Variants in SUZ12 observed in about 807,000 individuals in gnomAD.
The protein encoded by SUZ12 is polycomb protein SUZ12.
SUZ12 carries 17 observed loss-of-function variants against 87.3 expected under a neutral mutation model. The ratio of observed to expected loss-of-function variants is 0.19; its 90% CI spans 0.13 to 0.29. The LOEUF (loss-of-function observed/expected upper bound fraction) is 0.29, where lower values mean the gene tolerates loss of function less well. SUZ12 is among the 10% of genes least tolerant of loss of function. The probability of loss-of-function intolerance (pLI) is 1.00; values close to 1 mark genes in which losing one functional copy is unlikely to be tolerated. For missense variants in SUZ12, 526 were observed against 912.2 expected, an observed-to-expected ratio of 0.58 and a Z score of 5.45; for synonymous variants, 253 against 312.4, an observed-to-expected ratio of 0.81 and a Z score of 2.01.
intron 4 of SUZ12, among the ~76,000 whole-genome samples, chr17:31,953,529 T>G (rs1262263063): frequency 1.3e-5 from 2 of 152,094 alleles, no homozygotes; most frequent in Non-Finnish European, 2.9e-5. Context: ...TGCCTCAGCC[T>G]CCTGAGTAGC....
chr17:31,962,405 A>G (rs751106079), intron 4 of SUZ12, among the ~76,000 whole-genome samples: 26,115 of 149,590 alleles, frequency 0.17, no homozygotes, highest in African/African-American at 0.32. Flanking sequence ...AGCCTGGGTA[A>G]CATGGCAAAA....
At chr17:31,958,123 C>CA (rs1907473287) in intron 4 of SUZ12, among the ~76,000 whole-genome samples, 1 of 151,148 alleles carries the variant, frequency 6.6e-6, no homozygotes, top group Admixed American at 6.6e-5. Flanking sequence ...CAGGATGTCT[C>CA]AATCTCCTGA....
rs1910196750 is a variant in SUZ12, at chr17:32,000,403, A to G, written c.*1400A>G. The G allele has an allele frequency of 8.6e-6, 2 of 232,548 alleles. No individual in the cohort carries two copies. The highest frequency in any genetic ancestry group is 1.7e-5 in the Non-Finnish European group (2 of 117,752). 14.4% of individuals were successfully genotyped at this position (232,548 alleles called of 1,614,324 possible). ...TTAAGATGTGTTTAACTGTGAGGCTATTTAACGAATAGTGTGGATGTGATT... is the reference window on the plus strand; with the variant it reads ...TTAAGATGTGTTTAACTGTGAGGCTGTTTAACGAATAGTGTGGATGTGATT... On this transcript the variant is annotated 3_prime_UTR_variant, in exon 16 of 16. Transcript: ENST00000322652.
chr17:31,962,752 A>G (rs1907812996), intron 4 of SUZ12, among the ~76,000 whole-genome samples: 2 of 152,382 alleles, frequency 1.3e-5, no homozygotes, highest in Admixed American at 1.3e-4. Flanking sequence ...TTCGTAGAAC[A>G]GGAAATGAGA....
At chr17:31,948,154 T>C (rs191470624) in intron 4 of SUZ12, among the ~76,000 whole-genome samples, 2,038 of 152,318 alleles carry the variant, frequency 0.013, 21 homozygotes, top group Non-Finnish European at 0.021. Flanking sequence ...TTCATAACTT[T>C]TATTTCATAT....
chr17:31,946,464 G>T (rs1027061011), intron 3 of SUZ12, among the ~76,000 whole-genome samples: 2 of 152,114 alleles, frequency 1.3e-5, no homozygotes, highest in Non-Finnish European at 2.9e-5. Context: ...CCCGGGAGGT[G>T]GAGGTTGCAG....
intron 13 of SUZ12, 91 bp from the exon 14 acceptor site, chr17:31,995,473 T>C: frequency 1.0e-6 from 1 of 969,900 alleles, no homozygotes; most frequent in Non-Finnish European, 1.6e-6. Context: ...AAGGGTGATG[T>C]TGCAGATTAT....
At chr17:31,950,499 CAG>C (rs768033797) in intron 4 of SUZ12, among the ~76,000 whole-genome samples, 1 of 152,002 alleles carries the variant, frequency 6.6e-6, no homozygotes, top group Non-Finnish European at 1.5e-5. Flanking sequence ...CCCTGGCCAA[CAG>C]GGGAAAACCC....
chr17:31,978,243 G>A (rs1285653055), intron 8 of SUZ12, among the ~76,000 whole-genome samples: 1 of 151,964 alleles, frequency 6.6e-6, no homozygotes, highest in Admixed American at 6.6e-5. Flanking sequence ...GACTCTCGCT[G>A]TGTCACCCAG....
At chr17:31,948,855 A>T (rs1906784544) in intron 4 of SUZ12, among the ~76,000 whole-genome samples, 1 of 152,202 alleles carries the variant, frequency 6.6e-6, no homozygotes, top group Non-Finnish European at 1.5e-5. Flanking sequence ...TATAAGATAG[A>T]ACTGAGAATA....
chr17:31,995,553 C>A lies in SUZ12; in HGVS notation c.1596-11C>A. On this transcript the variant is annotated splice_polypyrimidine_tract_variant and intron_variant, in intron 13 of 15. Transcript: ENST00000322652. The stretch of plus-strand genomic sequence containing the variant: ...AGAGGCCATAAATCAACATTTATTT[C>A]TTTTCATTAGGCCAAAACGAACAAA... 2 of 1,613,210 alleles carry A rather than the reference C, an allele frequency of 1.2e-6. No homozygotes were observed. The highest frequency in any genetic ancestry group is 2.2e-5 in the South Asian group (2 of 91,054).
chr17:31,995,612 T>C lies in SUZ12; in HGVS notation c.1644T>C (p.Asp548=). 1 of 1,613,976 alleles carries C rather than the reference T, an allele frequency of 6.2e-7. No individual in the cohort carries two copies. Among genetic ancestry groups the C allele is most frequent in the Non-Finnish European group, 8.5e-7 (1 of 1,179,970 alleles). Residue 548 remains aspartate (D), a synonymous_variant, in exon 14 of 16, where the codon GAT becomes GAC. Coordinates refer to ENST00000322652, the MANE Select transcript of SUZ12 (RefSeq NM_015355.4). ...TGTCTGAATTTCTTGAATCTGAAGA[T>C]GGGGAAGTAGAACAGCAAAGAACAT... is the stretch of plus-strand genomic sequence containing the variant. ...ASMSEFLESE[D]GEVEQQRTYS...
At chr17:31,950,292 C>CT (rs1010890299) in intron 4 of SUZ12, among the ~76,000 whole-genome samples, 1 of 152,134 alleles carries the variant, frequency 6.6e-6, no homozygotes, top group Admixed American at 6.5e-5. Flanking sequence ...TATTTTTCTC[C>CT]TAAACCTATC....
At chr17:31,976,053 T>A (rs552399894) in intron 7 of SUZ12, among the ~76,000 whole-genome samples, 1 of 152,244 alleles carries the variant, frequency 6.6e-6, no homozygotes, top group Non-Finnish European at 1.5e-5. Flanking sequence ...GGGGATGATT[T>A]AATTTAATCG....
chr17:31,990,055 T>C (rs1246481904), intron 10 of SUZ12, among the ~76,000 whole-genome samples: 2 of 150,374 alleles, frequency 1.3e-5, no homozygotes, highest in Non-Finnish European at 3.0e-5. Flanking sequence ...CCTGGGTTCA[T>C]GCCAATTTCC....
intron 4 of SUZ12, among the ~76,000 whole-genome samples, chr17:31,962,793 T>C (rs1251270901): frequency 6.6e-6 from 1 of 152,192 alleles, no homozygotes; most frequent in African/African-American, 2.4e-5. Context: ...AAAGATTTGG[T>C]AGGTGGGGTC....
At chr17:31,973,590 T>C (rs1408075953) in intron 6 of SUZ12, among the ~76,000 whole-genome samples, 6 of 152,240 alleles carry the variant, frequency 3.9e-5, no homozygotes, top group Admixed American at 6.5e-5. Flanking sequence ...GAGAGTTTTT[T>C]CCACAAGATT....
In SUZ12 at chr17:31,955,428, G is replaced by A. The variant is rs150967977; in HGVS notation, c.455+7743G>A. Among the ~76,000 whole-genome samples the A allele has an allele frequency of 1.9e-3, 295 of 152,092 alleles. 2 individuals are homozygous for A. Among genetic ancestry groups the A allele is most frequent in the Admixed American group, 4.3e-3 (66 of 15,250 alleles). ...TACCGAATAGCCTAGGACCACAGGC[G>A]CAAGATACCATGCCTGGATGATTTT... On this transcript the variant is annotated intron_variant, in intron 4 of 15. Transcript: ENST00000322652.
intron 4 of SUZ12, among the ~76,000 whole-genome samples, chr17:31,959,745 C>G (rs911885351): frequency 6.6e-6 from 1 of 152,166 alleles, no homozygotes; most frequent in South Asian, 2.1e-4. Flanking sequence ...TCTGGCTGTT[C>G]TTAAAATGGG....
Sources: allele counts gnomAD v4.1 joint callset (sites outside exome capture counted in the v4.1 genomes callset), GRCh38; gene constraint gnomAD v4.1.1; transcripts MANE v1.5; gene names NCBI Gene and HGNC (gene_info 2026-07-23, HGNC 2026-07-21).